The following DAB1 variants were observed in gnomAD, a reference collection of about 807,000 sequenced individuals.
DAB1 encodes the protein DAB adaptor protein 1.
A neutral mutation model predicts 64.6 loss-of-function variants in DAB1; 15 were observed. The observed-to-expected ratio is 0.23, with a 90% confidence interval of 0.16 to 0.36. The LOEUF (loss-of-function observed/expected upper bound fraction) is 0.36. Among genes scored for constraint, DAB1 ranks in the 10% least tolerant of loss-of-function variants. DAB1 has a pLI of 1.00. For missense variants in DAB1, 596 were observed against 706.7 expected, an observed-to-expected ratio of 0.84 and a Z score of 1.78; for synonymous variants, 235 against 251.9, an observed-to-expected ratio of 0.93 and a Z score of 0.64.
chr1:58,181,223 T>A (rs982162761), intron 4 of DAB1, among the ~76,000 whole-genome samples: 1 of 152,154 alleles, frequency 6.6e-6, no homozygotes, highest in Admixed American at 6.5e-5. Context: ...CTAATAAGAC[T>A]TTTTGTTTTA....
In DAB1 at chr1:57,389,393, C is replaced by T. The variant is rs1282033434; in HGVS notation, c.-137+34537G>A. On this transcript the variant is annotated intron_variant, in intron 1 of 14. Transcript: ENST00000371236. Reference sequence around the variant, plus strand: ...ATGCCGTAGCCCCTGCCTACCACCACAGCTCAATTCCTCTACTCAGCACAA... The same window carrying T: ...ATGCCGTAGCCCCTGCCTACCACCATAGCTCAATTCCTCTACTCAGCACAA... Among the ~76,000 whole-genome samples the T allele has an allele frequency of 2.0e-5, 3 of 152,194 alleles. No individual in the cohort carries two copies. In the East Asian group the frequency reaches 5.8e-4, roughly 29 times the overall value.
intron 1 of DAB1, among the ~76,000 whole-genome samples, chr1:57,316,473 A>G (rs1253066627): frequency 6.6e-6 from 1 of 152,102 alleles, no homozygotes; most frequent in Non-Finnish European, 1.5e-5. Context: ...CAGGCTACAG[A>G]AGGTGTTTCT....
intron 10 of DAB1, 39 bp from the exon 11 acceptor site, chr1:57,023,678 GC>G: frequency 7.4e-7 from 1 of 1,351,360 alleles, no homozygotes; most frequent in Non-Finnish European, 1.1e-6. Flanking sequence ...ATGAGACCTG[GC>G]TTAGCAGTCA....
intron 5 of DAB1, among the ~76,000 whole-genome samples, chr1:58,101,152 T>C (rs1262662032): frequency 6.6e-6 from 1 of 151,704 alleles, no homozygotes; most frequent in Non-Finnish European, 1.5e-5. Context: ...CTGTCTCTAC[T>C]AAAAAACACA....
At chr1:57,914,083 T>C (rs188078483) in intron 5 of DAB1, among the ~76,000 whole-genome samples, 220 of 152,266 alleles carry the variant, frequency 1.4e-3, no homozygotes, top group Non-Finnish European at 2.4e-3. Context: ...GACCCAGCCA[T>C]CCCATTACTG....
intron 5 of DAB1, among the ~76,000 whole-genome samples, chr1:57,892,356 A>G (rs1326478344): frequency 6.6e-6 from 1 of 152,206 alleles, no homozygotes; most frequent in Non-Finnish European, 1.5e-5. Context: ...GCCTTTGCTT[A>G]CAATCAGATG....
At chr1:57,447,743 C>T (rs529227619) in intron 7 of DAB1, among the ~76,000 whole-genome samples, 1 of 152,256 alleles carries the variant, frequency 6.6e-6, no homozygotes, top group Non-Finnish European at 1.5e-5. Context: ...GAGTCTTACC[C>T]AGCCTGCAGC....
intron 6 of DAB1, among the ~76,000 whole-genome samples, chr1:57,671,640 A>G (rs1570724216): frequency 6.6e-6 from 1 of 152,194 alleles, no homozygotes; most frequent in African/African-American, 2.4e-5. Context: ...CACATACCCT[A>G]TAAGGCCTAT....
intron 2 of DAB1, among the ~76,000 whole-genome samples, chr1:57,259,648 T>C (rs1217529682): frequency 2.0e-5 from 3 of 152,148 alleles, no homozygotes; most frequent in African/African-American, 7.2e-5. Flanking sequence ...GGACACACAG[T>C]TGAAGGGAGC....
chr1:57,124,924 CT>C (rs1448699420), intron 4 of DAB1, among the ~76,000 whole-genome samples: 1 of 152,112 alleles, frequency 6.6e-6, no homozygotes, highest in Non-Finnish European at 1.5e-5. Flanking sequence ...CTCAGAATGC[CT>C]GTCCCTCCCA....
chr1:57,837,445 CA>C (rs1652856718), intron 1 of DAB1, among the ~76,000 whole-genome samples: 1 of 152,034 alleles, frequency 6.6e-6, no homozygotes, highest in African/African-American at 2.4e-5. Context: ...TTCTTTGCTC[CA>C]AATCATATCT....
Position 57,762,400 on chromosome 1 carries a change from T to G in DAB1, n.552-112735A>C, listed in dbSNP as rs539971865. On this transcript the variant is annotated intron_variant and non_coding_transcript_variant, in intron 6 of 20. Transcript: ENST00000485760. ...TCATTATAAATCACTGTTGTAACAC[T>G]GCTCCTGAGAAAGATTACATGGGGC... 1.1e-4 allele frequency among the ~76,000 whole-genome samples: 16 copies of G among 152,274 alleles called. 1 individual carries two copies. The South Asian group carries it at 2.9e-3, about 28-fold the overall frequency.
chr1:58,118,611 T>TATATATATAAAATACATATATATATAC (rs1557658060), intron 5 of DAB1, among the ~76,000 whole-genome samples: 1 of 43,880 alleles, frequency 2.3e-5, no homozygotes, highest in African/African-American at 1.5e-4. Context: ...TATATATACA[T>TATATATATAAAATACATATATATATAC]ATATATATAT....
chr1:58,131,245 C>T (rs1444166985), intron 5 of DAB1, among the ~76,000 whole-genome samples: 5 of 142,414 alleles, frequency 3.5e-5, no homozygotes, highest in East Asian at 4.4e-4. Flanking sequence ...TCCAGTTGAT[C>T]GCATCGGCTC....
intron 3 of DAB1, among the ~76,000 whole-genome samples, chr1:58,398,003 T>A (rs534665097): frequency 7.9e-5 from 12 of 152,246 alleles, no homozygotes; most frequent in South Asian, 6.2e-4. Flanking sequence ...CACCCTTGGA[T>A]TTCCTTCAGG....
At chr1:58,072,967 T>C (rs1261387529) in intron 5 of DAB1, among the ~76,000 whole-genome samples, 1 of 152,228 alleles carries the variant, frequency 6.6e-6, no homozygotes, top group Non-Finnish European at 1.5e-5. Context: ...TAGTGCAGCA[T>C]AATGAAAGTA....
At chr1:58,080,778 C>T (rs1649948841) in intron 5 of DAB1, among the ~76,000 whole-genome samples, 1 of 152,174 alleles carries the variant, frequency 6.6e-6, no homozygotes, top group Non-Finnish European at 1.5e-5. Flanking sequence ...GTGACTTAGC[C>T]TCTCTGATTT....
chr1:57,579,988 C>A (rs1340765311), intron 7 of DAB1, among the ~76,000 whole-genome samples: 1 of 152,114 alleles, frequency 6.6e-6, no homozygotes, highest in Admixed American at 6.5e-5. Context: ...TGGCAAGAGA[C>A]TTCATTGTGG....
intron 5 of DAB1, among the ~76,000 whole-genome samples, chr1:57,977,295 T>C (rs1645943547): frequency 6.6e-6 from 1 of 152,204 alleles, no homozygotes; most frequent in Non-Finnish European, 1.5e-5. Flanking sequence ...GCTGTCATTA[T>C]TGTCACCCTT....
Sources: gnomAD v4.1 joint callset for allele counts (sites outside exome capture counted in the v4.1 genomes callset) on GRCh38, gnomAD v4.1.1 for gene constraint, MANE v1.5 for transcripts, NCBI Gene and HGNC (gene_info 2026-07-23, HGNC 2026-07-21) for gene names.